The following PXDNL variants were observed in gnomAD, a reference collection of about 807,000 sequenced individuals.
PXDNL encodes probable oxidoreductase PXDNL.
PXDNL carries 145 observed loss-of-function variants against 150.8 expected under a neutral mutation model. The observed-to-expected ratio is 0.96, with a 90% CI of 0.84 to 1.10. The LOEUF (loss-of-function observed/expected upper bound fraction) is 1.10, where lower values mean the gene tolerates loss of function less well. Among genes scored for constraint, PXDNL ranks in the 50% least tolerant of loss-of-function variants. PXDNL has a pLI of 0.00. For synonymous variants in PXDNL, 757 were observed against 725.7 expected (o/e 1.04, Z -0.69); for missense variants, 2,087 against 1,873.9 (o/e 1.11, Z -2.10).
At chr8:51,496,436 T>G in intron 5 of PXDNL, among the ~76,000 whole-genome samples, 1 of 152,038 alleles carries the variant, frequency 6.6e-6, no homozygotes, top group Non-Finnish European at 1.5e-5. Context: ...CCAGGGCAAT[T>G]AGGCAGGAGA....
At chr8:51,406,256 A>G (rs1175324072) in intron 17 of PXDNL, among the ~76,000 whole-genome samples, 2 of 152,208 alleles carry the variant, frequency 1.3e-5, no homozygotes, top group African/African-American at 4.8e-5. Context: ...TCCAATCCAG[A>G]TAATCTACCC....
chr8:51,416,144 T>A (rs1319546459), intron 14 of PXDNL, among the ~76,000 whole-genome samples: 1 of 152,218 alleles, frequency 6.6e-6, no homozygotes, highest in Non-Finnish European at 1.5e-5. Flanking sequence ...TACATGCTTC[T>A]GTTTGTGACA....
At chr8:51,332,706 G>A (rs1352561068) in intron 21 of PXDNL, among the ~76,000 whole-genome samples, 1 of 152,110 alleles carries the variant, frequency 6.6e-6, no homozygotes, top group Non-Finnish European at 1.5e-5. Flanking sequence ...GAAAGTCTCA[G>A]CAATAAAATT....
intron 6 of PXDNL, 128 bp from the exon 7 acceptor site, chr8:51,475,269 A>G: frequency 1.2e-6 from 1 of 830,414 alleles, no homozygotes. Flanking sequence ...CCAGGATTCT[A>G]TTAACCAATA....
chr8:51,417,339 C>A (rs1808825819), intron 14 of PXDNL, among the ~76,000 whole-genome samples: 2 of 152,128 alleles, frequency 1.3e-5, no homozygotes, highest in Admixed American at 6.5e-5. Flanking sequence ...ATTTGCAATC[C>A]TATCCCTGCA....
At chr8:51,418,255 GA>G (rs1214457288) in intron 14 of PXDNL, among the ~76,000 whole-genome samples, 3 of 152,036 alleles carry the variant, frequency 2.0e-5, no homozygotes, top group Non-Finnish European at 4.4e-5. Context: ...AAATAAAATA[GA>G]AAACAAAATT....
intron 8 of PXDNL, among the ~76,000 whole-genome samples, chr8:51,463,947 T>C (rs927555539): frequency 6.6e-6 from 1 of 151,522 alleles, no homozygotes; most frequent in Non-Finnish European, 1.5e-5. Context: ...AAAGCAATGT[T>C]AAGAGGAGAG....
chr8:51,773,107 G>C (rs1204774047), intron 1 of PXDNL, among the ~76,000 whole-genome samples: 2 of 152,178 alleles, frequency 1.3e-5, no homozygotes, highest in East Asian at 3.8e-4. Flanking sequence ...GATGAACTAT[G>C]GATATATGCA....
chr8:51,733,812 A>AATATATAT (rs9298461), intron 1 of PXDNL, among the ~76,000 whole-genome samples: 117 of 138,390 alleles, frequency 8.5e-4, no homozygotes, highest in African/African-American at 3.0e-3. Flanking sequence ...TGTCTCAAAT[A>AATATATAT]ATATATATAT....
intron 21 of PXDNL, among the ~76,000 whole-genome samples, chr8:51,339,366 A>G (rs371316458): frequency 6.6e-6 from 1 of 152,218 alleles, no homozygotes; most frequent in African/African-American, 2.4e-5. Flanking sequence ...AGGCTGAGGC[A>G]GAAGAATCAC....
intron 2 of PXDNL, among the ~76,000 whole-genome samples, chr8:51,604,302 T>C (rs1235273304): frequency 6.6e-6 from 1 of 152,180 alleles, no homozygotes; most frequent in African/African-American, 2.4e-5. Context: ...ATGTACACCA[T>C]GGAATACTAT....
intron 4 of PXDNL, among the ~76,000 whole-genome samples, chr8:51,553,896 T>TAA (rs1812547031): frequency 6.6e-6 from 1 of 152,008 alleles, no homozygotes; most frequent in African/African-American, 2.4e-5. Context: ...ACATGCTCTT[T>TAA]AAAGATGTCC....
At chr8:51,686,930 G>A (rs915946057) in intron 1 of PXDNL, among the ~76,000 whole-genome samples, 13 of 151,804 alleles carry the variant, frequency 8.6e-5, no homozygotes, top group Admixed American at 3.9e-4. Context: ...AATAAATAAG[G>A]AAAACATCAA....
intron 1 of PXDNL, among the ~76,000 whole-genome samples, chr8:51,786,376 T>C (rs2037461004): frequency 6.6e-6 from 1 of 152,060 alleles, no homozygotes; most frequent in African/African-American, 2.4e-5. Flanking sequence ...CCCCAGGTAA[T>C]TTTTGCATTT....
At chr8:51,342,243 G>A (rs1403722832) in intron 20 of PXDNL, among the ~76,000 whole-genome samples, 1 of 151,858 alleles carries the variant, frequency 6.6e-6, no homozygotes, top group East Asian at 1.9e-4. Context: ...GCAAAATGCA[G>A]TAAAGTATAA....
At chr8:51,625,426 C>A (rs1262467773) in intron 2 of PXDNL, among the ~76,000 whole-genome samples, 1 of 152,144 alleles carries the variant, frequency 6.6e-6, no homozygotes. Flanking sequence ...CCAAGCAAGT[C>A]AAATCACACT....
chr8:51,364,307 G>A (rs772682807), intron 19 of PXDNL, among the ~76,000 whole-genome samples: 1 of 152,032 alleles, frequency 6.6e-6, no homozygotes, highest in South Asian at 2.1e-4. Context: ...CTTGAACCTT[G>A]GGTTCATGAC....
At chr8:51,501,601 C>A (rs1233453398) in intron 4 of PXDNL, among the ~76,000 whole-genome samples, 1 of 152,040 alleles carries the variant, frequency 6.6e-6, no homozygotes, top group African/African-American at 2.4e-5. Flanking sequence ...CACCTAATCT[C>A]ACACACTCAC....
chr8:51,393,632 G>C (rs769890991), intron 17 of PXDNL, among the ~76,000 whole-genome samples: 12 of 152,220 alleles, frequency 7.9e-5, no homozygotes, highest in Admixed American at 2.6e-4. Context: ...GTCACCTTAC[G>C]TGGCAAAAGA....
Sources: allele counts gnomAD v4.1 joint callset (sites outside exome capture counted in the v4.1 genomes callset), GRCh38; gene constraint gnomAD v4.1.1; transcripts MANE v1.5; gene names NCBI Gene and HGNC (gene_info 2026-07-23, HGNC 2026-07-21).